The following ATRNL1 variants were observed in gnomAD, a reference collection of about 807,000 sequenced individuals.
The protein encoded by ATRNL1 is attractin-like protein 1.
Under a neutral mutation model 182.7 loss-of-function variants are expected in ATRNL1, and 95 were observed. The ratio of observed to expected loss-of-function variants is 0.52; its 90% CI spans 0.44 to 0.62. The LOEUF is 0.62. Among genes scored for constraint, ATRNL1 ranks in the 20% least tolerant of loss-of-function variants. The pLI is 0.00. For missense variants in ATRNL1, 1,471 were observed against 1,679.5 expected, an observed-to-expected ratio of 0.88 and a Z score of 2.17; for synonymous variants, 576 against 568.3, an observed-to-expected ratio of 1.01 and a Z score of -0.19.
At chr10:115,175,805 A>G (rs1394593476) in intron 8 of ATRNL1, among the ~76,000 whole-genome samples, 5 of 152,130 alleles carry the variant, frequency 3.3e-5, no homozygotes, top group Non-Finnish European at 7.4e-5. Context: ...AAAATAATCT[A>G]TAGTACTTTC....
At chr10:115,346,410 G>T (rs549121822) in intron 19 of ATRNL1, among the ~76,000 whole-genome samples, 3 of 152,148 alleles carry the variant, frequency 2.0e-5, no homozygotes, top group Middle Eastern at 3.4e-3. Flanking sequence ...AGCCTTCATG[G>T]TTCATTCGTA....
chr10:115,404,732 G>T (rs1381469500), intron 20 of ATRNL1, among the ~76,000 whole-genome samples: 2 of 151,628 alleles, frequency 1.3e-5, no homozygotes, highest in African/African-American at 4.9e-5. Flanking sequence ...GCTGGAGTAG[G>T]TTAGTGAACA....
chr10:115,561,690 G>GGGGGGTGTGTGTGTGT (rs1554999705), intron 26 of ATRNL1, among the ~76,000 whole-genome samples: 4 of 50,446 alleles, frequency 7.9e-5, no homozygotes, highest in African/African-American at 2.8e-4. Flanking sequence ...TGTGTGTGTG[G>GGGGGGTGTGTGTGTGT]GTGTGTGTGT....
intron 28 of ATRNL1, among the ~76,000 whole-genome samples, chr10:115,917,346 TGTA>T (rs1315072692): frequency 6.6e-6 from 1 of 151,772 alleles, no homozygotes; most frequent in African/African-American, 2.4e-5. Context: ...GGCGGGCACC[TGTA>T]GTTCCAGCTA....
At chr10:115,201,435 A>C (rs1402372560) in intron 8 of ATRNL1, among the ~76,000 whole-genome samples, 1 of 152,120 alleles carries the variant, frequency 6.6e-6, no homozygotes, top group Non-Finnish European at 1.5e-5. Context: ...ATCCAGTTTC[A>C]GCTTTCTACA....
intron 26 of ATRNL1, among the ~76,000 whole-genome samples, chr10:115,695,430 G>A (rs1376883681): frequency 6.6e-6 from 1 of 152,056 alleles, no homozygotes; most frequent in African/African-American, 2.4e-5. Context: ...AAGATGGAAG[G>A]TGAAGTTAGT....
At chr10:115,186,242 C>T (rs1847935814) in intron 8 of ATRNL1, among the ~76,000 whole-genome samples, 1 of 151,086 alleles carries the variant, frequency 6.6e-6, no homozygotes, top group South Asian at 2.1e-4. Context: ...AAAAGGGAGC[C>T]CTCATACATT....
At chr10:115,141,806 A>G (rs570614521) in intron 5 of ATRNL1, among the ~76,000 whole-genome samples, 48 of 152,288 alleles carry the variant, frequency 3.2e-4, no homozygotes, top group African/African-American at 1.1e-3. Flanking sequence ...CTTCCCACTT[A>G]GCAAAAACAG....
At position 115,355,758 on chromosome 10, in the gene ATRNL1, T is replaced by C. The variant is rs374855764; in HGVS notation, c.3175+21339T>C. 1.5e-4 allele frequency among the ~76,000 whole-genome samples: 23 copies of C among 152,232 alleles called. No individual in the cohort carries two copies. In the East Asian group the frequency reaches 1.7e-3, roughly 11 times the overall value. On this transcript the variant is annotated intron_variant, in intron 19 of 28. Transcript: ENST00000355044. ...TTTGTTGGTATTATGAATACATTTT[T>C]TTCCTTTAATATTACATTTGTAATT...
Position 115,522,278 on chromosome 10 carries a change from C to T in ATRNL1, c.3716+2954C>T, listed in dbSNP as rs79692824. ...ACAAGAAGTAGGGTGCCAGCATGTG[C>T]ATCTGGTGAGGGTATCAAACTGCTT... is the stretch of plus-strand genomic sequence containing the variant. On this transcript the variant is annotated intron_variant, in intron 25 of 28. Coordinates refer to ENST00000355044, the MANE Select transcript of ATRNL1 (RefSeq NM_207303.4). Among the ~76,000 whole-genome samples, 986 of 152,232 alleles carry T rather than the reference C, an allele frequency of 6.5e-3. 6 individuals are homozygous for T. Among genetic ancestry groups the T allele is most frequent in the African/African-American group, 0.021 (884 of 41,532 alleles).
At chr10:115,137,812 A>T (rs1011797555) in intron 5 of ATRNL1, among the ~76,000 whole-genome samples, 12 of 152,286 alleles carry the variant, frequency 7.9e-5, no homozygotes, top group South Asian at 4.2e-4. Flanking sequence ...CACATTTCAA[A>T]ACCAATGATG....
chr10:115,468,689 T>A (rs1450306189), intron 23 of ATRNL1, among the ~76,000 whole-genome samples: 17 of 150,702 alleles, frequency 1.1e-4, no homozygotes, highest in Non-Finnish European at 9.0e-5. Context: ...ATAAATTGAT[T>A]TTTTCCCATT....
chr10:115,322,823 T>A lies in ATRNL1; in HGVS notation c.3037+7087T>A, dbSNP rs573515798. Among the ~76,000 whole-genome samples, 9 of 152,288 alleles carry A rather than the reference T, an allele frequency of 5.9e-5. No homozygotes were observed. The South Asian group carries it at 8.3e-4, about 14-fold the overall frequency. On this transcript the variant is annotated intron_variant, in intron 18 of 28. Coordinates refer to ENST00000355044, the MANE Select transcript of ATRNL1 (RefSeq NM_207303.4). ...TATATTATTATACTGCTTACTGGCC[T>A]CTATTATTTCTGATTTAAAATCAGT...
chr10:115,215,546 ATAAG>A (rs141919153), intron 8 of ATRNL1, 147 bp from the exon 9 acceptor site: 8,252 of 638,568 alleles, frequency 0.013, 182 homozygotes, highest in East Asian at 0.098. Flanking sequence ...CACATACTTA[ATAAG>A]TGTTTCTTGA....
At chr10:115,270,276 AATAT>A (rs1554912411) in intron 13 of ATRNL1, among the ~76,000 whole-genome samples, 2 of 144,320 alleles carry the variant, frequency 1.4e-5, no homozygotes, top group South Asian at 4.2e-4. Flanking sequence ...ATTATATATA[AATAT>A]ATAAACATTT....
In ATRNL1 at chr10:115,349,139, AACC is replaced by A. The variant is rs376191430; in HGVS notation, c.3175+14725_3175+14727del. On this transcript the variant is annotated intron_variant, in intron 19 of 28. Coordinates refer to ENST00000355044, the MANE Select transcript of ATRNL1 (RefSeq NM_207303.4). The stretch of plus-strand genomic sequence containing the variant: ...CTCACTAGTGTTCACAGCCTCTAGT[AACC>A]ACCATTTCATTCACTACCTCCAGGA... Among the ~76,000 whole-genome samples the A allele has an allele frequency of 5.6e-4, 86 of 152,334 alleles. 1 individual carries two copies. The East Asian group carries it at 0.015, about 27-fold the overall frequency.
At chr10:115,192,463 T>A (rs552302319) in intron 8 of ATRNL1, among the ~76,000 whole-genome samples, 74 of 152,210 alleles carry the variant, frequency 4.9e-4, no homozygotes, top group Non-Finnish European at 8.4e-4. Context: ...ATATTTCTGT[T>A]TTTATGCCAG....
chr10:115,542,470 C>T (rs1554992319), intron 25 of ATRNL1, among the ~76,000 whole-genome samples: 3 of 151,942 alleles, frequency 2.0e-5, no homozygotes, highest in South Asian at 2.1e-4. Context: ...TTTATTGCAT[C>T]GTCAATGTTT....
intron 26 of ATRNL1, among the ~76,000 whole-genome samples, chr10:115,674,166 AT>A (rs1282918022): frequency 1.3e-5 from 2 of 152,096 alleles, no homozygotes; most frequent in African/African-American, 2.4e-5. Context: ...ACACACTCAC[AT>A]TTTTTTAGGC....
Sources: gnomAD v4.1 joint callset for allele counts (sites outside exome capture counted in the v4.1 genomes callset) on GRCh38, gnomAD v4.1.1 for gene constraint, MANE v1.5 for transcripts, NCBI Gene and HGNC (gene_info 2026-07-23, HGNC 2026-07-21) for gene names.